PRDM10: variants seen among roughly 807,000 people sequenced by gnomAD.
The protein encoded by PRDM10 is PR domain zinc finger protein 10.
PRDM10 carries 65 observed loss-of-function variants against 133.1 expected under a neutral mutation model. The observed-to-expected ratio is 0.49, with a 90% CI of 0.40 to 0.60. PRDM10 has a LOEUF of 0.60. Ranked by LOEUF, PRDM10 falls within the 20% of genes least tolerant of loss-of-function variation. The probability of loss-of-function intolerance (pLI) is 0.00; values close to 1 mark genes in which losing one functional copy is unlikely to be tolerated. For missense variants in PRDM10, 1,137 were observed against 1,507.1 expected, an observed-to-expected ratio of 0.75 and a Z score of 4.07; for synonymous variants, 582 against 580.4, an observed-to-expected ratio of 1.00 and a Z score of -0.04.
At chr11:129,968,735 C>T (rs1007934125) in intron 1 of PRDM10, among the ~76,000 whole-genome samples, 15 of 152,102 alleles carry the variant, frequency 9.9e-5, no homozygotes, top group African/African-American at 3.1e-4. Context: ...CGCCTGCCCT[C>T]CTAGGAGCCC....
chr11:129,934,972 C>T (rs1249562773), intron 9 of PRDM10, 129 bp downstream of exon 9: 2 of 670,770 alleles, frequency 3.0e-6, no homozygotes, highest in Non-Finnish European at 5.2e-6. Context: ...TAACACCGTT[C>T]CCTCAGTAGC....
chr11:129,971,037 G>A (rs1366517000), intron 1 of PRDM10, among the ~76,000 whole-genome samples: 2 of 152,144 alleles, frequency 1.3e-5, no homozygotes, highest in East Asian at 1.9e-4. Flanking sequence ...AGCTCTTAAG[G>A]TGGCACGTCT....
chr11:129,910,618 A>G lies in PRDM10; in HGVS notation c.3021T>C (p.Ala1007=). The G allele has an allele frequency of 6.2e-7, 1 of 1,609,622 alleles. No individual in the cohort carries two copies. Among genetic ancestry groups the G allele is most frequent in the Non-Finnish European group, 8.5e-7 (1 of 1,177,090 alleles). The change falls in exon 19 of 21, where the codon GCT becomes GCC. Residue 1007 remains alanine, a synonymous_variant. Transcript: ENST00000360871. ...GQPLSPSAQQ[A]QQGLSPSHIQ... is the part of the protein sequence containing the mutation. ...TGTGGGAGGGGCTGAGCCCCTGCTG[A>G]GCCTGCTGGGCTGAGGGACTCAACG... is the stretch of plus-strand genomic sequence containing the variant.
At chr11:129,960,200 T>C (rs1010678567) in intron 2 of PRDM10, among the ~76,000 whole-genome samples, 2 of 152,234 alleles carry the variant, frequency 1.3e-5, no homozygotes, top group African/African-American at 4.8e-5. Context: ...GGTTATGTAA[T>C]TTAATGAAAC....
intron 1 of PRDM10, among the ~76,000 whole-genome samples, chr11:129,969,960 G>A (rs983762742): frequency 2.6e-5 from 4 of 152,092 alleles, no homozygotes; most frequent in African/African-American, 9.7e-5. Flanking sequence ...TGTGTATAGA[G>A]AAAACACATC....
At chr11:129,965,746 A>ATAT (rs1443810251) in intron 1 of PRDM10, among the ~76,000 whole-genome samples, 12 of 145,700 alleles carry the variant, frequency 8.2e-5, no homozygotes, top group African/African-American at 3.3e-4. Context: ...ATCAAAAAAA[A>ATAT]AAATATATAT....
At chr11:129,961,834 T>C (rs921758587) in intron 1 of PRDM10, among the ~76,000 whole-genome samples, 12 of 152,222 alleles carry the variant, frequency 7.9e-5, no homozygotes, top group African/African-American at 2.7e-4. Context: ...TATTTGTGTA[T>C]ACATAAATGT....
At position 129,902,360 on chromosome 11, in the gene PRDM10, T is replaced by A. The variant is rs1949866062; in HGVS notation, c.3424A>T (p.Thr1142Ser). 6.2e-7 allele frequency: 1 copy of A among 1,613,904 alleles called. No homozygotes were observed. The highest frequency in any genetic ancestry group is 1.3e-5 in the African/African-American group (1 of 74,884). ...QQTTQYIITT[T>S]TNGNGSSEVH... is the part of the protein sequence containing the mutation. ...TCGCTGCTTCCGTTCCCGTTGGTGG[T>A]GGTGGTGATGATGTACTGTGTGGTC... is the stretch of plus-strand genomic sequence containing the variant. The change falls in exon 21 of 21, where the codon ACC (threonine) becomes TCC (serine). Residue 1142 changes from threonine (T) to serine (S), a missense_variant. Around this residue, in one of 6 missense-constraint regions of PRDM10, gnomAD observed 243 missense variants for 259.2 expected, o/e 0.94. Transcript: ENST00000360871.
chr11:129,970,774 G>C (rs753709897), intron 1 of PRDM10, among the ~76,000 whole-genome samples: 1 of 152,052 alleles, frequency 6.6e-6, no homozygotes, highest in Non-Finnish European at 1.5e-5. Flanking sequence ...TCGAACTCCT[G>C]ACGTCAGGTG....
chr11:129,932,308 T>C, intron 9 of PRDM10, 77 bp from the exon 10 acceptor site: 1 of 1,535,634 alleles, frequency 6.5e-7, no homozygotes, highest in South Asian at 1.2e-5. Flanking sequence ...AAATGATCCT[T>C]ACTAACCCCA....
At chr11:129,963,416 G>GAA (rs751381985) in intron 1 of PRDM10, among the ~76,000 whole-genome samples, 2 of 149,818 alleles carry the variant, frequency 1.3e-5, no homozygotes, top group Non-Finnish European at 3.0e-5. Context: ...GAAGAGAAGA[G>GAA]AAGAGAAGAG....
At chr11:129,929,581 A>T (rs756530692) in intron 11 of PRDM10, among the ~76,000 whole-genome samples, 1 of 152,160 alleles carries the variant, frequency 6.6e-6, no homozygotes, top group Non-Finnish European at 1.5e-5. Flanking sequence ...AAATAGCTCA[A>T]CTAAGACTGA....
At chr11:129,906,686 C>T (rs973952768) in intron 19 of PRDM10, among the ~76,000 whole-genome samples, 3 of 152,050 alleles carry the variant, frequency 2.0e-5, no homozygotes, top group African/African-American at 4.8e-5. Context: ...GAATAAGGTG[C>T]TAGAATCATG....
At chr11:129,972,121 GGCCCGCCAAGCCCAC>G (rs1484212575) in intron 1 of PRDM10, among the ~76,000 whole-genome samples, 3 of 152,234 alleles carry the variant, frequency 2.0e-5, no homozygotes, top group Admixed American at 6.5e-5. Context: ...CCGAGTGTGG[GGCCCGCCAAGCCCAC>G]GCCCACCCAG....
At chr11:129,940,532 G>T (rs1043242673) in intron 7 of PRDM10, among the ~76,000 whole-genome samples, 1 of 151,666 alleles carries the variant, frequency 6.6e-6, no homozygotes, top group Non-Finnish European at 1.5e-5. Context: ...TTATTTTGAC[G>T]GTTTTAAAAA....
intron 17 of PRDM10, among the ~76,000 whole-genome samples, chr11:129,912,752 GA>G (rs879486759): frequency 3.6e-3 from 343 of 96,392 alleles, no homozygotes; most frequent in Middle Eastern, 0.023. Context: ...ACTCCATCTC[GA>G]AAAAAAAAAA....
At chr11:129,944,437 T>A (rs1472553070) in intron 6 of PRDM10, among the ~76,000 whole-genome samples, 2 of 151,294 alleles carry the variant, frequency 1.3e-5, no homozygotes, top group Non-Finnish European at 2.9e-5. Context: ...AAAAAGAAAT[T>A]AGCCGGGCGT....
Position 129,947,585 on chromosome 11 carries a change from C to A in PRDM10, c.295-215G>T. The stretch of plus-strand genomic sequence containing the variant: ...CTGCTCACAGCCTTTAAGCCTCTGC[C>A]CTCCCTCTGCCCCTTCTGTCCCACA... On this transcript the variant is annotated intron_variant, in intron 4 of 20. Coordinates refer to ENST00000360871, the MANE Select transcript of PRDM10 (RefSeq NM_199437.2). This position sits in a 1 kb window ranked among gnomAD's most constrained non-coding sequence, Gnocchi z 4.6. The A allele has an allele frequency of 7.1e-7, 1 of 1,413,822 alleles. No homozygotes were observed. 87.6% of individuals were successfully genotyped at this position (1,413,822 alleles called of 1,614,324 possible). A position where few individuals can be genotyped will look rare whatever the true frequency, so the allele number is the denominator to read the frequency against.
At chr11:129,906,916 G>A (rs758669978) in intron 19 of PRDM10, among the ~76,000 whole-genome samples, 9 of 151,736 alleles carry the variant, frequency 5.9e-5, no homozygotes, top group Non-Finnish European at 8.8e-5. Context: ...AGGCAGAGTT[G>A]CAGTGAGCCA....
Sources: allele counts gnomAD v4.1 joint callset (sites outside exome capture counted in the v4.1 genomes callset), GRCh38; gene constraint gnomAD v4.1.1; regional missense constraint gnomAD v4.1.1; non-coding constraint Gnocchi (gnomAD v3.1); transcripts MANE v1.5; gene names NCBI Gene and HGNC (gene_info 2026-07-23, HGNC 2026-07-21).